Variants in WWOX observed in about 807,000 individuals in gnomAD.
WWOX encodes WW domain containing oxidoreductase.
Under a neutral mutation model 46.2 loss-of-function variants are expected in WWOX, and 69 were observed. The observed-to-expected ratio is 1.49, with a 90% CI of 1.23 to 1.82. The LOEUF is 1.82. WWOX is among the 40% of genes most tolerant of loss of function. The pLI is 0.00. For missense variants in WWOX, 919 were observed against 542.6 expected (o/e 1.69, Z -6.89); for synonymous variants, 359 against 202.6 (o/e 1.77, Z -6.56).
chr16:78,387,969 A>G (rs2082095162), intron 6 of WWOX, among the ~76,000 whole-genome samples: 1 of 152,018 alleles, frequency 6.6e-6, no homozygotes, highest in South Asian at 2.1e-4. Context: ...AAGCAGATGA[A>G]GGATGTGAGG....
chr16:79,139,956 A>C (rs1045141706), intron 8 of WWOX, among the ~76,000 whole-genome samples: 1 of 152,230 alleles, frequency 6.6e-6, no homozygotes, highest in African/African-American at 2.4e-5. Flanking sequence ...ATTTCTGATC[A>C]TTTTAGCACC....
chr16:79,147,260 C>A (rs897818100), intron 8 of WWOX, among the ~76,000 whole-genome samples: 1 of 152,208 alleles, frequency 6.6e-6, no homozygotes, highest in African/African-American at 2.4e-5. Flanking sequence ...TCTGCGCCTG[C>A]CTCATCCCTG....
chr16:79,067,841 A>G (rs751201456), intron 8 of WWOX, among the ~76,000 whole-genome samples: 2 of 152,248 alleles, frequency 1.3e-5, no homozygotes, highest in Non-Finnish European at 2.9e-5. Flanking sequence ...GTCATCTGCA[A>G]ATGAAAAGTC....
chr16:79,190,107 C>G (rs1597460149), intron 8 of WWOX, among the ~76,000 whole-genome samples: 1 of 151,694 alleles, frequency 6.6e-6, no homozygotes, highest in Non-Finnish European at 1.5e-5. Context: ...TCACTGCAAC[C>G]TCAGTCTCCC....
chr16:78,141,948 C>G (rs570147873), intron 4 of WWOX, among the ~76,000 whole-genome samples: 61 of 151,152 alleles, frequency 4.0e-4, no homozygotes, highest in Non-Finnish European at 7.2e-4. Context: ...GTTTCCATTT[C>G]TAGACCCTGG....
intron 8 of WWOX, among the ~76,000 whole-genome samples, chr16:78,621,402 C>T (rs948708190): frequency 2.0e-5 from 3 of 151,926 alleles, no homozygotes; most frequent in African/African-American, 4.8e-5. Flanking sequence ...ACCCCTTTCA[C>T]CTCTCCCCTG....
intron 8 of WWOX, among the ~76,000 whole-genome samples, chr16:78,971,424 C>T (rs1313167923): frequency 1.2e-5 from 1 of 84,834 alleles, no homozygotes; most frequent in South Asian, 3.8e-4. Flanking sequence ...CACTGCTCTC[C>T]AGTCTGGGTG....
chr16:78,469,255 G>A (rs1191842891), intron 8 of WWOX, among the ~76,000 whole-genome samples: 3 of 152,192 alleles, frequency 2.0e-5, no homozygotes, highest in Non-Finnish European at 4.4e-5. Context: ...ATATCCACCT[G>A]TAAAATATTT....
chr16:78,842,873 T>A (rs1399108388), intron 8 of WWOX, among the ~76,000 whole-genome samples: 3 of 149,174 alleles, frequency 2.0e-5, no homozygotes, highest in Non-Finnish European at 4.5e-5. Flanking sequence ...AAAAATAGAA[T>A]ACAAGGGGGG....
At chr16:78,256,585 A>C (rs185592455) in intron 5 of WWOX, among the ~76,000 whole-genome samples, 6 of 151,902 alleles carry the variant, frequency 3.9e-5, no homozygotes, top group Non-Finnish European at 2.9e-5. Flanking sequence ...GGAGAGGGTC[A>C]TTAGCAAACT....
chr16:78,914,880 G>GAAAAAAAAAAAAAAAA (rs10706775), intron 8 of WWOX, among the ~76,000 whole-genome samples: 1 of 69,396 alleles, frequency 1.4e-5, no homozygotes, highest in Non-Finnish European at 2.5e-5. Flanking sequence ...CTCCGCCTCA[G>GAAAAAAAAAAAAAAAA]AAAAAAAAAA....
At chr16:78,175,874 G>A (rs2035327820) in intron 5 of WWOX, among the ~76,000 whole-genome samples, 1 of 152,198 alleles carries the variant, frequency 6.6e-6, no homozygotes, top group South Asian at 2.1e-4. Flanking sequence ...AGACTGGACA[G>A]TGAGTTCTAA....
chr16:78,926,339 T>C (rs925710572), intron 8 of WWOX, among the ~76,000 whole-genome samples: 3 of 150,144 alleles, frequency 2.0e-5, no homozygotes, highest in African/African-American at 7.4e-5. Context: ...TGCCATTGCA[T>C]TTCAGCGTGG....
intron 8 of WWOX, among the ~76,000 whole-genome samples, chr16:78,577,123 A>G (rs192569182): frequency 2.8e-3 from 433 of 152,262 alleles, no homozygotes; most frequent in Middle Eastern, 0.01. Context: ...TAAATTAGTC[A>G]CCAGTGTCTC....
intron 8 of WWOX, among the ~76,000 whole-genome samples, chr16:78,904,987 T>G (rs1236314871): frequency 2.0e-5 from 3 of 152,200 alleles, no homozygotes; most frequent in South Asian, 4.1e-4. Context: ...ATAGAGTACC[T>G]CATCCTATAG....
intron 8 of WWOX, among the ~76,000 whole-genome samples, chr16:79,039,163 G>A (rs186310930): frequency 6.6e-6 from 1 of 152,102 alleles, no homozygotes; most frequent in Non-Finnish European, 1.5e-5. Flanking sequence ...TCTTTTTGCA[G>A]GTGATGCTCA....
At chr16:79,197,497 A>G (rs2051263681) in intron 8 of WWOX, among the ~76,000 whole-genome samples, 1 of 150,724 alleles carries the variant, frequency 6.6e-6, no homozygotes, top group South Asian at 2.1e-4. Context: ...GTTCTTGAAC[A>G]CTTACTGGTA....
At chr16:78,536,500 A>T (rs1318651704) in intron 8 of WWOX, among the ~76,000 whole-genome samples, 1 of 151,998 alleles carries the variant, frequency 6.6e-6, no homozygotes, top group Non-Finnish European at 1.5e-5. Flanking sequence ...TCTGGAGGTG[A>T]AGAGGGAAGT....
At chr16:78,505,284 A>G (rs1446439189) in intron 8 of WWOX, among the ~76,000 whole-genome samples, 1 of 152,188 alleles carries the variant, frequency 6.6e-6, no homozygotes. Context: ...ATTATTTCAT[A>G]CTGAGTTAAT....
Sources: allele counts gnomAD v4.1 joint callset (sites outside exome capture counted in the v4.1 genomes callset), GRCh38; gene constraint gnomAD v4.1.1; transcripts MANE v1.5; gene names NCBI Gene and HGNC (gene_info 2026-07-23, HGNC 2026-07-21).